Variants in STARD9 observed in about 807,000 individuals in gnomAD.
STARD9 encodes stAR-related lipid transfer protein 9.
STARD9 carries 346 observed loss-of-function variants against 399.8 expected under a neutral mutation model. The observed-to-expected ratio is 0.87, with a 90% CI of 0.79 to 0.95. STARD9 has a LOEUF of 0.95. Among genes scored for constraint, STARD9 ranks in the 40% least tolerant of loss-of-function variants. The pLI is 0.00. For missense variants in STARD9, 5,832 were observed against 5,667.5 expected (o/e 1.03, Z -0.93); for synonymous variants, 2,203 against 2,143.5 (o/e 1.03, Z -0.77).
rs537042233 is a variant in STARD9 at position 42,650,997 on chromosome 15, C to T, written c.560-19C>T. ...AAAATCTCATTTAATTTCTTTTTTC[C>T]GTTTCACAAATCCGATAGGTTTATC... On this transcript the variant is annotated intron_variant, in intron 7 of 32. Coordinates refer to ENST00000290607, the MANE Select transcript of STARD9 (RefSeq NM_020759.3). The T allele has an allele frequency of 2.7e-5, 40 of 1,480,746 alleles. No individual in the cohort carries two copies. Among genetic ancestry groups the T allele is most frequent in the Non-Finnish European group, 3.1e-5 (34 of 1,108,346 alleles). 91.7% of individuals were successfully genotyped at this position (1,480,746 alleles called of 1,614,324 possible).
At chr15:42,708,376 T>G (rs2140369841) in intron 26 of STARD9, among the ~76,000 whole-genome samples, 1 of 152,358 alleles carries the variant, frequency 6.6e-6, no homozygotes, top group Non-Finnish European at 1.5e-5. Context: ...GTCATGCCCA[T>G]TCATGTACAT....
At chr15:42,626,740 GA>G (rs2059234154) in intron 3 of STARD9, among the ~76,000 whole-genome samples, 1 of 150,498 alleles carries the variant, frequency 6.6e-6, no homozygotes, top group Non-Finnish European at 1.5e-5. Flanking sequence ...TCGAACTCCT[GA>G]CCCCAGGTGA....
intron 7 of STARD9, among the ~76,000 whole-genome samples, chr15:42,640,818 C>CAAAAAAAAA (rs34006967): frequency 1.2e-5 from 1 of 83,620 alleles, no homozygotes; most frequent in Non-Finnish European, 2.1e-5. Flanking sequence ...GACTCCGTCT[C>CAAAAAAAAA]AAAAAAAAAA....
Position 42,689,300 on chromosome 15 carries a change from C to G in STARD9, c.7722C>G (p.Val2574=), listed in dbSNP as rs1300158994. The change falls in exon 23 of 33, where the codon GTC becomes GTG. Residue 2574 remains valine (V), a synonymous_variant. Transcript: ENST00000290607. ...QLHDFVARGT[V]LSYCETLLEP... ...ATGACTTTGTGGCCAGGGGCACAGT[C>G]CTTTCTTACTGTGAAACTTTACTAG... is the stretch of plus-strand genomic sequence containing the variant. The G allele has an allele frequency of 6.5e-7, 1 of 1,537,242 alleles. No homozygotes were observed. Among genetic ancestry groups the G allele is most frequent in the East Asian group, 2.4e-5 (1 of 40,924 alleles).
At chr15:42,709,792 T>C (rs2061171784) in intron 26 of STARD9, among the ~76,000 whole-genome samples, 1 of 152,184 alleles carries the variant, frequency 6.6e-6, no homozygotes, top group Non-Finnish European at 1.5e-5. Flanking sequence ...CCTGTAAAAA[T>C]TATTACTGTG....
intron 16 of STARD9, chr15:42,672,338 C>T (rs2140151547): frequency 6.6e-6 from 1 of 152,318 alleles, no homozygotes; most frequent in Admixed American, 6.5e-5. Context: ...GCCTTTGTGC[C>T]ACTAACACTC....
chr15:42,582,301 T>C (rs1289777905), intron 1 of STARD9, among the ~76,000 whole-genome samples: 2 of 152,242 alleles, frequency 1.3e-5, no homozygotes, highest in Non-Finnish European at 2.9e-5. Flanking sequence ...AGTAATTTAA[T>C]TGATAACTTT....
chr15:42,689,388 TCAGAC>T lies in STARD9; in HGVS notation c.7819_7823del (p.Thr2607GlufsTer2). 6.5e-7 allele frequency: 1 copy of T among 1,537,374 alleles called. No individual in the cohort carries two copies. The highest frequency in any genetic ancestry group is 8.7e-7 in the Non-Finnish European group (1 of 1,146,932). On this transcript the variant is annotated frameshift_variant, in exon 23 of 33. Coordinates refer to ENST00000290607, the MANE Select transcript of STARD9 (RefSeq NM_020759.3). LOFTEE classifies it high-confidence loss of function. ...GTGTAAACAAATAGACCAGTCATCA[TCAGAC>T]CAGACCAGGAATGAGGGTGAAGCAC...
rs1245231803 is a variant in STARD9 at position 42,694,708 on chromosome 15, T to C, written c.12945T>C (p.Asp4315=). 17 of 1,536,600 alleles carry C rather than the reference T, an allele frequency of 1.1e-5. No homozygotes were observed. In the African/African-American group the frequency reaches 1.9e-4, roughly 17 times the overall value. ...AATACCTGCAGCAACTGAGGAAGGA[T>C]GTTGTGGAGACCACCAGGTAGTGTG... ...RREYLQQLRK[D]VVETTRSPES... The change falls in exon 24 of 33, where the codon GAT becomes GAC. Residue 4315 remains aspartate, a synonymous_variant. Coordinates refer to ENST00000290607, the MANE Select transcript of STARD9 (RefSeq NM_020759.3).
chr15:42,661,271 T>C, intron 10 of STARD9, 46 bp downstream of exon 10: 1 of 1,294,590 alleles, frequency 7.7e-7, no homozygotes, highest in Non-Finnish European at 1.1e-6. Flanking sequence ...TGTTCTTGCC[T>C]GTTTTACAGG....
At chr15:42,589,984 C>T (rs56172155) in intron 3 of STARD9, among the ~76,000 whole-genome samples, 14,480 of 138,238 alleles carry the variant, frequency 0.1, 981 homozygotes, top group Non-Finnish European at 0.15. Context: ...TTGTTGAGAC[C>T]GGGTCTCGCT....
chr15:42,699,521 G>T (rs2060918859), intron 26 of STARD9, among the ~76,000 whole-genome samples: 1 of 150,574 alleles, frequency 6.6e-6, no homozygotes, highest in South Asian at 2.1e-4. Context: ...AGCCTCCTGA[G>T]TAGCTGGGAC....
chr15:42,662,781 G>A lies in STARD9; in HGVS notation c.771-13G>A, dbSNP rs1485408469. On this transcript the variant is annotated splice_polypyrimidine_tract_variant and intron_variant, in intron 10 of 32. Transcript: ENST00000290607. ...TTTGCTTTTGTTTTTGTTTTTCATT[G>A]ACTGTGTTTTAGCGAAAGAGCAGAT... 1 of 1,528,058 alleles carries A rather than the reference G, an allele frequency of 6.5e-7. No individual in the cohort carries two copies. The highest frequency in any genetic ancestry group is 1.2e-5 in the South Asian group (1 of 83,548). The allele number at this position is 1,528,058 out of a possible 1,614,324, so 94.7% of individuals were successfully genotyped here.
chr15:42,622,327 A>C (rs1291388033), intron 3 of STARD9, among the ~76,000 whole-genome samples: 2 of 151,884 alleles, frequency 1.3e-5, no homozygotes, highest in African/African-American at 4.8e-5. Context: ...TCTCATTATC[A>C]CCTGTAGCTC....
At chr15:42,612,990 GAAAA>G (rs60332578) in intron 3 of STARD9, among the ~76,000 whole-genome samples, 15,263 of 119,238 alleles carry the variant, frequency 0.13, 995 homozygotes, top group Non-Finnish European at 0.16. Flanking sequence ...TCTCAGAGGG[GAAAA>G]AAAAAAAAAA....
chr15:42,717,373 A>C (rs906356071), intron 28 of STARD9, among the ~76,000 whole-genome samples: 1 of 152,128 alleles, frequency 6.6e-6, no homozygotes, highest in African/African-American at 2.4e-5. Context: ...CTGTAGTCTC[A>C]GCACTTTGGG....
At chr15:42,580,841 T>G (rs2058153830) in intron 1 of STARD9, among the ~76,000 whole-genome samples, 1 of 151,326 alleles carries the variant, frequency 6.6e-6, no homozygotes, top group Non-Finnish European at 1.5e-5. Flanking sequence ...AAAGCCAGAG[T>G]TTAACTGTTT....
Position 42,575,624 on chromosome 15 carries a change from C to T in STARD9, c.-92C>T. 1.5e-6 allele frequency: 2 copies of T among 1,377,208 alleles called. No homozygotes were observed. Among genetic ancestry groups the T allele is most frequent in the Non-Finnish European group, 2.0e-6 (2 of 1,017,454 alleles). The allele number at this position is 1,377,208 out of a possible 1,614,324, so 85.3% of individuals were successfully genotyped here. On this transcript the variant is annotated 5_prime_UTR_variant, in exon 1 of 33. Coordinates refer to ENST00000290607, the MANE Select transcript of STARD9 (RefSeq NM_020759.3). Reference sequence around the variant, plus strand: ...CGTCCCCAGAGGCGCGTGGGGCGGGCGGGGCTGGGTTGGGGCTGTGTCTGG... The same window carrying T: ...CGTCCCCAGAGGCGCGTGGGGCGGGTGGGGCTGGGTTGGGGCTGTGTCTGG...
intron 22 of STARD9, among the ~76,000 whole-genome samples, chr15:42,683,622 A>G (rs2060481903): frequency 1.3e-5 from 2 of 152,192 alleles, no homozygotes; most frequent in African/African-American, 4.8e-5. Flanking sequence ...AACATGGTTC[A>G]GCATTGAAAC....
Sources: gnomAD v4.1 joint callset for allele counts (sites outside exome capture counted in the v4.1 genomes callset) on GRCh38, gnomAD v4.1.1 for gene constraint, MANE v1.5 for transcripts, NCBI Gene and HGNC (gene_info 2026-07-23, HGNC 2026-07-21) for gene names.